The following FHIT variants were observed in gnomAD, a reference collection of about 807,000 sequenced individuals.
FHIT encodes the protein fragile histidine triad diadenosine triphosphatase, also known as bis(5'-adenosyl)-triphosphatase.
A neutral mutation model predicts 17.9 loss-of-function variants in FHIT; 19 were observed. The ratio of observed to expected loss-of-function variants is 1.06; its 90% CI spans 0.74 to 1.56. FHIT has a LOEUF of 1.56. Among genes scored for constraint, FHIT ranks in the 40% most tolerant of loss-of-function variants. The probability of loss-of-function intolerance (pLI) is 0.00; values close to 1 mark genes in which losing one functional copy is unlikely to be tolerated. For missense variants in FHIT, 248 were observed against 189.2 expected (o/e 1.31, Z -1.82); for synonymous variants, 81 against 69.7 (o/e 1.16, Z -0.81).
chr3:60,531,483 T>G (rs1399864261), intron 5 of FHIT, among the ~76,000 whole-genome samples: 1 of 152,002 alleles, frequency 6.6e-6, no homozygotes, highest in Non-Finnish European at 1.5e-5. Flanking sequence ...TTTCACCGTG[T>G]TAGCCAGGAT....
At chr3:60,231,764 T>G (rs564466828) in intron 5 of FHIT, among the ~76,000 whole-genome samples, 4 of 152,340 alleles carry the variant, frequency 2.6e-5, no homozygotes, top group South Asian at 4.1e-4. Context: ...TGTGTAAAAT[T>G]GGCTAGGCTA....
chr3:60,419,988 C>G (rs551795358), intron 5 of FHIT, among the ~76,000 whole-genome samples: 1 of 152,258 alleles, frequency 6.6e-6, no homozygotes, highest in African/African-American at 2.4e-5. Flanking sequence ...AAAGTCTATT[C>G]TACATCCTTC....
At chr3:60,513,888 C>A (rs1026171241) in intron 5 of FHIT, among the ~76,000 whole-genome samples, 2 of 152,144 alleles carry the variant, frequency 1.3e-5, no homozygotes, top group Non-Finnish European at 2.9e-5. Context: ...GCTCCATGAG[C>A]AGAAGAGCAG....
intron 5 of FHIT, among the ~76,000 whole-genome samples, chr3:60,270,733 T>A (rs1021594654): frequency 6.6e-6 from 1 of 152,206 alleles, no homozygotes; most frequent in African/African-American, 2.4e-5. Context: ...TTAGTTCGGC[T>A]TTGGCCATTT....
At chr3:60,541,791 G>C (rs2036195098) in intron 4 of FHIT, among the ~76,000 whole-genome samples, 1 of 152,202 alleles carries the variant, frequency 6.6e-6, no homozygotes, top group Non-Finnish European at 1.5e-5. Context: ...TGATGACACT[G>C]TCTGAGCACA....
rs547385960 is a variant in FHIT, at chr3:59,917,479, C to T, written c.348+4867G>A. ...TTTCCTCCCCCACATTGGCTATACA[C>T]ACTCTTTTATCTAAGGACGCATTTG... On this transcript the variant is annotated intron_variant, in intron 8 of 9. Coordinates refer to ENST00000492590, the MANE Select transcript of FHIT (RefSeq NM_002012.4). Among the ~76,000 whole-genome samples, 4 of 152,342 alleles carry T rather than the reference C, an allele frequency of 2.6e-5. No individual in the cohort carries two copies. The East Asian group carries it at 7.7e-4, about 29-fold the overall frequency.
intron 1 of FHIT, among the ~76,000 whole-genome samples, chr3:61,223,112 G>A (rs2039882330): frequency 6.6e-6 from 1 of 152,142 alleles, no homozygotes; most frequent in Non-Finnish European, 1.5e-5. Context: ...GTACTGAGGT[G>A]CTGCAATTAA....
chr3:60,644,261 C>T (rs1261014384), intron 4 of FHIT, among the ~76,000 whole-genome samples: 7 of 152,154 alleles, frequency 4.6e-5, no homozygotes, highest in African/African-American at 1.7e-4. Flanking sequence ...TGTTTTTCTT[C>T]ATAGGTGTTT....
chr3:60,205,627 G>A (rs1703135715), intron 5 of FHIT, among the ~76,000 whole-genome samples: 2 of 152,180 alleles, frequency 1.3e-5, no homozygotes, highest in Non-Finnish European at 1.5e-5. Flanking sequence ...CATGGTGGAT[G>A]AGGTGGGTCA....
rs71627548 is a variant in FHIT at position 60,626,783 on chromosome 3, C to CTTTTTTTTTTT, written c.-17-89805_-17-89804insAAAAAAAAAAA. Among the ~76,000 whole-genome samples the CTTTTTTTTTTT allele has an allele frequency of 3.5e-5, 3 of 85,942 alleles. 1 individual carries two copies. Among genetic ancestry groups the CTTTTTTTTTTT allele is most frequent in the African/African-American group, 6.9e-5 (2 of 28,962 alleles). The allele number at this position is 85,942 out of a possible 152,430, so 56.4% of individuals were successfully genotyped here. On this transcript the variant is annotated intron_variant, in intron 4 of 9. Transcript: ENST00000492590. Reference sequence around the variant, plus strand: ...TTCTTCCTTATCTTAGGGGAAAACACTCTTTTTTTTTTTTTTTTTTACGTT... The same window carrying CTTTTTTTTTTT: ...TTCTTCCTTATCTTAGGGGAAAACACTTTTTTTTTTTTCTTTTTTTTTTTTTTTTTTACGTT...
intron 4 of FHIT, among the ~76,000 whole-genome samples, chr3:60,574,300 C>T (rs2037491229): frequency 6.6e-6 from 1 of 151,768 alleles, no homozygotes; most frequent in Non-Finnish European, 1.5e-5. Flanking sequence ...CAGTGGAAAC[C>T]ACTTAAGCCT....
At chr3:60,761,454 G>A (rs1699653790) in intron 4 of FHIT, among the ~76,000 whole-genome samples, 1 of 152,056 alleles carries the variant, frequency 6.6e-6, no homozygotes, top group Non-Finnish European at 1.5e-5. Flanking sequence ...TGTGACACAT[G>A]GTTTCTATTT....
rs536713364 is a variant in FHIT at position 60,180,588 on chromosome 3, CTTTG to C, written c.104-166440_104-166437del. On this transcript the variant is annotated intron_variant, in intron 5 of 9. Coordinates refer to ENST00000492590, the MANE Select transcript of FHIT (RefSeq NM_002012.4). ...CTTCATTTTAAAAAATATTTTAGCT[CTTTG>C]TTTGTCTTAGGCATTCAGAATATAA... 1.0e-3 allele frequency among the ~76,000 whole-genome samples: 159 copies of C among 152,196 alleles called. 2 individuals carry two copies. Among genetic ancestry groups the C allele is most frequent in the Non-Finnish European group, 1.7e-3 (118 of 68,010 alleles).
chr3:60,306,603 C>T (rs947472063), intron 5 of FHIT, among the ~76,000 whole-genome samples: 1 of 152,146 alleles, frequency 6.6e-6, no homozygotes, highest in Non-Finnish European at 1.5e-5. Context: ...TCAGGAACAA[C>T]TGTTCAACCC....
chr3:61,120,015 C>A (rs187907138), intron 2 of FHIT, among the ~76,000 whole-genome samples: 85 of 152,256 alleles, frequency 5.6e-4, no homozygotes, highest in Non-Finnish European at 2.4e-4. Context: ...GATTCTTTTT[C>A]TCTGGATAAC....
intron 5 of FHIT, among the ~76,000 whole-genome samples, chr3:60,192,219 C>G (rs1024093786): frequency 2.0e-5 from 3 of 146,454 alleles, no homozygotes; most frequent in Admixed American, 7.0e-5. Flanking sequence ...TCACTGCACT[C>G]CAGCCTGGGC....
intron 4 of FHIT, among the ~76,000 whole-genome samples, chr3:60,590,637 T>G (rs2038053982): frequency 1.3e-5 from 2 of 152,152 alleles, no homozygotes; most frequent in African/African-American, 4.8e-5. Flanking sequence ...ATATTTATTT[T>G]GCAACTTCTG....
At chr3:59,764,852 A>AG (rs201570616) in intron 8 of FHIT, among the ~76,000 whole-genome samples, 1,423 of 123,782 alleles carry the variant, frequency 0.011, 19 homozygotes, top group African/African-American at 0.035. Flanking sequence ...CAGAGATGTA[A>AG]GGCAACTGCA....
At chr3:61,021,766 A>C (rs2032450195) in intron 3 of FHIT, among the ~76,000 whole-genome samples, 1 of 152,180 alleles carries the variant, frequency 6.6e-6, no homozygotes, top group Non-Finnish European at 1.5e-5. Flanking sequence ...AATGAAATTA[A>C]GGCAGAAATA....
Sources: allele counts gnomAD v4.1 joint callset (sites outside exome capture counted in the v4.1 genomes callset), GRCh38; gene constraint gnomAD v4.1.1; transcripts MANE v1.5; gene names NCBI Gene and HGNC (gene_info 2026-07-23, HGNC 2026-07-21).